The following C8orf34 variants were observed in gnomAD, a reference collection of about 807,000 sequenced individuals.
C8orf34 encodes chromosome 8 open reading frame 34, also known as uncharacterized protein C8orf34.
C8orf34 carries 65 observed loss-of-function variants against 68.3 expected under a neutral mutation model. The ratio of observed to expected loss-of-function variants is 0.95; its 90% CI spans 0.78 to 1.17. The LOEUF (loss-of-function observed/expected upper bound fraction) is 1.17, where lower values mean the gene tolerates loss of function less well. C8orf34 is among the 50% of genes most tolerant of loss of function. C8orf34 has a pLI of 0.00. For synonymous variants in C8orf34, 244 were observed against 241.2 expected (o/e 1.01, Z -0.11); for missense variants, 664 against 655.4 (o/e 1.01, Z -0.14).
In C8orf34 at chr8:68,569,451, C is replaced by G. The variant is rs112564902; in HGVS notation, c.1105+36302C>G. ...GGAACACTTGTCGGCCCCTCCCCAC[C>G]TCCAGGCCTCCACCTTCATTGATGC... On this transcript the variant is annotated intron_variant, in intron 7 of 13. Transcript: ENST00000518698. Among the ~76,000 whole-genome samples the G allele has an allele frequency of 1.9e-3, 289 of 152,316 alleles. 3 individuals are homozygous for G. Among genetic ancestry groups the G allele is most frequent in the African/African-American group, 6.3e-3 (260 of 41,580 alleles).
At chr8:68,434,021 A>C (rs572816999) in intron 1 of C8orf34, among the ~76,000 whole-genome samples, 1 of 152,348 alleles carries the variant, frequency 6.6e-6, no homozygotes, top group South Asian at 2.1e-4. Flanking sequence ...AGTAGCCCTT[A>C]CATGTTGCAT....
intron 7 of C8orf34, among the ~76,000 whole-genome samples, chr8:68,568,032 G>A (rs1408769695): frequency 6.6e-6 from 1 of 152,080 alleles, no homozygotes; most frequent in African/African-American, 2.4e-5. Context: ...GGAGGACTGA[G>A]AAGAAGCAGA....
intron 7 of C8orf34, chr8:68,534,895 A>T (rs1203512820): frequency 1.0e-6 from 1 of 985,270 alleles, no homozygotes. Flanking sequence ...ATGATGAGCA[A>T]TTAATAACTA....
chr8:68,676,365 G>C (rs1002384023), intron 8 of C8orf34, among the ~76,000 whole-genome samples: 3 of 151,924 alleles, frequency 2.0e-5, no homozygotes, highest in Non-Finnish European at 4.4e-5. Flanking sequence ...TAACTCTAGA[G>C]CACCAGATAT....
rs375272601 is a variant in C8orf34, at chr8:68,558,919, TACAAAGTAAG to T, written c.1105+25774_1105+25783del. On this transcript the variant is annotated intron_variant, in intron 7 of 13. Coordinates refer to ENST00000518698, the MANE Select transcript of C8orf34 (RefSeq NM_052958.4). ...TTGTATAAACAACATTAAAAGTATG[TACAAAGTAAG>T]ACATGCAGGGGAGAGAATAGGTGAT... Among the ~76,000 whole-genome samples the T allele has an allele frequency of 2.2e-3, 341 of 152,260 alleles. 2 individuals carry two copies. Among genetic ancestry groups the T allele is most frequent in the Middle Eastern group, 6.8e-3 (2 of 294 alleles).
chr8:68,354,806 G>A (rs1290227094), intron 1 of C8orf34, among the ~76,000 whole-genome samples: 1 of 152,048 alleles, frequency 6.6e-6, no homozygotes, highest in Non-Finnish European at 1.5e-5. Context: ...AGTCTTGAGG[G>A]TGGAAAACAG....
At chr8:68,372,251 A>C (rs1807592445) in intron 1 of C8orf34, among the ~76,000 whole-genome samples, 1 of 152,192 alleles carries the variant, frequency 6.6e-6, no homozygotes, top group Admixed American at 6.5e-5. Flanking sequence ...ATGGCATAGG[A>C]GTTGGAAGAC....
chr8:68,608,656 G>A (rs995874826), intron 7 of C8orf34, among the ~76,000 whole-genome samples: 1 of 151,850 alleles, frequency 6.6e-6, no homozygotes, highest in African/African-American at 2.4e-5. Context: ...AAGGAGTTAA[G>A]ATGTGTTCTG....
chr8:68,644,532 A>G (rs942695956), intron 8 of C8orf34, among the ~76,000 whole-genome samples: 1 of 152,172 alleles, frequency 6.6e-6, no homozygotes, highest in Non-Finnish European at 1.5e-5. Flanking sequence ...TTCAGCTCAA[A>G]GTAATAAGTA....
At chr8:68,778,106 CA>C (rs1823574169) in intron 11 of C8orf34, among the ~76,000 whole-genome samples, 1 of 152,116 alleles carries the variant, frequency 6.6e-6, no homozygotes, top group Admixed American at 6.6e-5. Context: ...ACAGACAATC[CA>C]TTTATGTATT....
chr8:68,614,093 A>T, intron 7 of C8orf34, among the ~76,000 whole-genome samples: 1 of 152,170 alleles, frequency 6.6e-6, no homozygotes, highest in Non-Finnish European at 1.5e-5. Flanking sequence ...TCTTCTTTTG[A>T]GAAGTGTCTG....
At chr8:68,814,150 T>C (rs757131014) in intron 12 of C8orf34, among the ~76,000 whole-genome samples, 1 of 152,170 alleles carries the variant, frequency 6.6e-6, no homozygotes, top group African/African-American at 2.4e-5. Flanking sequence ...TGTGCTACAC[T>C]GAACAGTGAT....
At chr8:68,445,264 T>TGGCC (rs1463841367) in intron 2 of C8orf34, among the ~76,000 whole-genome samples, 1 of 151,994 alleles carries the variant, frequency 6.6e-6, no homozygotes, top group Non-Finnish European at 1.5e-5. Flanking sequence ...TATAAGTGAG[T>TGGCC]AGCCAGAGAA....
At chr8:68,338,342 T>C (rs1805935737) in intron 1 of C8orf34, among the ~76,000 whole-genome samples, 1 of 152,114 alleles carries the variant, frequency 6.6e-6, no homozygotes, top group Non-Finnish European at 1.5e-5. Flanking sequence ...AACCACAGCA[T>C]ATGTAGTGAA....
chr8:68,367,907 G>GAAAATAAAAAAAAAAA (rs1807360133), intron 1 of C8orf34, among the ~76,000 whole-genome samples: 1 of 15,034 alleles, frequency 6.7e-5, no homozygotes, highest in Non-Finnish European at 1.3e-4. Flanking sequence ...AATAAAAAAA[G>GAAAATAAAAAAAAAAA]AAAAGAAAAA....
chr8:68,561,494 C>T (rs896762684), intron 7 of C8orf34, among the ~76,000 whole-genome samples: 9 of 152,130 alleles, frequency 5.9e-5, no homozygotes, highest in African/African-American at 1.9e-4. Flanking sequence ...CAGCAGCTCA[C>T]GCTTGTAATC....
chr8:68,575,341 C>T (rs531741090), intron 7 of C8orf34, among the ~76,000 whole-genome samples: 5 of 152,116 alleles, frequency 3.3e-5, no homozygotes, highest in Admixed American at 3.3e-4. Context: ...CCTAATCATT[C>T]TTTTTGTCAG....
At chr8:68,626,930 A>C (rs1162052163) in intron 7 of C8orf34, among the ~76,000 whole-genome samples, 1 of 152,162 alleles carries the variant, frequency 6.6e-6, no homozygotes, top group African/African-American at 2.4e-5. Context: ...AGACTGACTT[A>C]ACTCTCAAGA....
chr8:68,672,300 C>T (rs538363530), intron 8 of C8orf34, among the ~76,000 whole-genome samples: 1 of 152,260 alleles, frequency 6.6e-6, no homozygotes, highest in East Asian at 1.9e-4. Context: ...TTCATGAGAA[C>T]TAAAAATCAG....
Sources: gnomAD v4.1 joint callset for allele counts (sites outside exome capture counted in the v4.1 genomes callset) on GRCh38, gnomAD v4.1.1 for gene constraint, MANE v1.5 for transcripts, NCBI Gene and HGNC (gene_info 2026-07-23, HGNC 2026-07-21) for gene names.